Variants in MTMR3 observed in about 807,000 individuals in gnomAD.
The protein encoded by MTMR3 is myotubularin related protein 3.
A neutral mutation model predicts 132.4 loss-of-function variants in MTMR3; 32 were observed. That is an observed-to-expected ratio of 0.24 (90% CI 0.18 to 0.32). The LOEUF (loss-of-function observed/expected upper bound fraction) is 0.32, where lower values mean the gene tolerates loss of function less well. Ranked by LOEUF, MTMR3 falls within the 10% of genes least tolerant of loss-of-function variation. The pLI is 1.00. For synonymous variants in MTMR3, 556 were observed against 550.3 expected, an observed-to-expected ratio of 1.01 and a Z score of -0.14; for missense variants, 1,216 against 1,489.6, an observed-to-expected ratio of 0.82 and a Z score of 3.02.
intron 1 of MTMR3, among the ~76,000 whole-genome samples, chr22:29,886,578 T>A (rs1454263084): frequency 6.6e-6 from 1 of 152,232 alleles, no homozygotes; most frequent in African/African-American, 2.4e-5. Flanking sequence ...AAGTAGTTTC[T>A]CTAGCCTGAT....
chr22:29,920,178 C>T (rs993637708), intron 1 of MTMR3, among the ~76,000 whole-genome samples: 1 of 150,160 alleles, frequency 6.7e-6, no homozygotes, highest in Admixed American at 6.7e-5. Flanking sequence ...CGCGCCACTG[C>T]ACTGCAGCCT....
chr22:29,908,090 C>T (rs1461482690), intron 1 of MTMR3, among the ~76,000 whole-genome samples: 1 of 152,124 alleles, frequency 6.6e-6, no homozygotes, highest in Non-Finnish European at 1.5e-5. Flanking sequence ...CTTCCACAGT[C>T]GGATGCAAGT....
At chr22:29,912,259 G>A (rs1226414920) in intron 1 of MTMR3, among the ~76,000 whole-genome samples, 1 of 152,122 alleles carries the variant, frequency 6.6e-6, no homozygotes, top group Non-Finnish European at 1.5e-5. Context: ...CAGTTTTCCT[G>A]TCTTTTTATT....
At chr22:29,935,782 T>G (rs1269887013) in intron 1 of MTMR3, among the ~76,000 whole-genome samples, 1 of 142,936 alleles carries the variant, frequency 7.0e-6, no homozygotes, top group African/African-American at 2.6e-5. Context: ...ATGCTGTGTC[T>G]CACTCTGTCG....
At chr22:29,899,915 A>C (rs1568995731) in intron 1 of MTMR3, among the ~76,000 whole-genome samples, 1 of 152,226 alleles carries the variant, frequency 6.6e-6, no homozygotes, top group East Asian at 1.9e-4. Flanking sequence ...ATTATACCTC[A>C]GTTAAAAACT....
chr22:29,911,838 G>A (rs556193605), intron 1 of MTMR3, among the ~76,000 whole-genome samples: 8 of 152,216 alleles, frequency 5.3e-5, no homozygotes, highest in Non-Finnish European at 1.2e-4. Flanking sequence ...GAATTAATCA[G>A]TATTCCTTTC....
At position 30,009,115 on chromosome 22, in the gene MTMR3, G is replaced by A; in HGVS notation, c.1107G>A (p.Met369Ile). Reference sequence around the variant, plus strand: ...CTCTGCGGTTGCTGTGCACTCAGATGCCAGATCCGGGAAAGTAAGTCCTTG... The same window carrying A: ...CTCTGCGGTTGCTGTGCACTCAGATACCAGATCCGGGAAAGTAAGTCCTTG... ...FQSLRLLCTQ[M>I]PDPGNWLSAL... The change falls in exon 12 of 20, where the codon ATG becomes ATA. Residue 369 changes from methionine (M) to isoleucine (I), a missense_variant. By Grantham distance (10) the Met-to-Ile change is conservative. Transcript: ENST00000401950. 2 of 1,608,094 alleles carry A rather than the reference G, an allele frequency of 1.2e-6. No individual in the cohort carries two copies. Among genetic ancestry groups the A allele is most frequent in the Non-Finnish European group, 1.7e-6 (2 of 1,174,560 alleles).
intron 1 of MTMR3, among the ~76,000 whole-genome samples, chr22:29,923,459 C>T (rs1384338720): frequency 6.6e-6 from 1 of 152,022 alleles, no homozygotes; most frequent in Non-Finnish European, 1.5e-5. Flanking sequence ...CCACCTTGGC[C>T]TCCCAAAGTG....
chr22:29,929,806 C>G (rs1358029695), intron 1 of MTMR3, among the ~76,000 whole-genome samples: 3 of 152,140 alleles, frequency 2.0e-5, no homozygotes, highest in African/African-American at 7.2e-5. Context: ...GCCACCGCGC[C>G]CGGCCTCATA....
rs1306058406 is a variant in MTMR3 at position 29,986,546 on chromosome 22, T to A, written c.211-1934T>A. ...AGATGCACAGGTCTCAGAAGAATTC[T>A]TAGTTGCATCAGTTGCAGTTTCTCA... On this transcript the variant is annotated intron_variant, in intron 5 of 19. Coordinates refer to ENST00000401950, the MANE Select transcript of MTMR3 (RefSeq NM_021090.4). 20 of 983,040 alleles carry A rather than the reference T, an allele frequency of 2.0e-5. No homozygotes were observed. In the East Asian group the frequency reaches 2.2e-3, roughly 106 times the overall value. The allele number at this position is 983,040 out of a possible 1,614,324, so 60.9% of individuals were successfully genotyped here. A position where few individuals can be genotyped will look rare whatever the true frequency, so the allele number is the denominator to read the frequency against.
chr22:30,012,613 A>G lies in MTMR3; in HGVS notation c.1317+50A>G, dbSNP rs752645407. 9.8e-6 allele frequency: 15 copies of G among 1,530,486 alleles called. 1 individual carries two copies. The South Asian group carries it at 1.6e-4, about 17-fold the overall frequency. 94.8% of individuals were successfully genotyped at this position (1,530,486 alleles called of 1,614,324 possible). A position where few individuals can be genotyped will look rare whatever the true frequency, so the allele number is the denominator to read the frequency against. On this transcript the variant is annotated intron_variant, in intron 13 of 19. Transcript: ENST00000401950. ...TTGGTACTTCAGGATGAGCCAGGGA[A>G]ACGTCTCAGGAGTGATACCAGTTTT...
chr22:29,958,992 G>T (rs988183252), intron 2 of MTMR3, among the ~76,000 whole-genome samples: 3 of 152,138 alleles, frequency 2.0e-5, no homozygotes, highest in Non-Finnish European at 2.9e-5. Flanking sequence ...GGATCATAGG[G>T]TATATATAAT....
At chr22:29,935,206 G>C (rs2065725024) in intron 1 of MTMR3, among the ~76,000 whole-genome samples, 1 of 152,140 alleles carries the variant, frequency 6.6e-6, no homozygotes, top group Admixed American at 6.5e-5. Flanking sequence ...ATTTACAATA[G>C]GACATTAGTG....
chr22:29,938,411 T>C (rs1263881596), intron 1 of MTMR3, among the ~76,000 whole-genome samples: 1 of 152,238 alleles, frequency 6.6e-6, no homozygotes, highest in Non-Finnish European at 1.5e-5. Context: ...CTCCTTGTGA[T>C]AGTGTCAAGA....
At chr22:30,008,161 C>G in intron 11 of MTMR3, 129 bp downstream of exon 11, 2 of 1,202,848 alleles carry the variant, frequency 1.7e-6, no homozygotes, top group Non-Finnish European at 2.3e-6. Flanking sequence ...CGTGAGAGTG[C>G]CAGAGCTTCT....
intron 1 of MTMR3, among the ~76,000 whole-genome samples, chr22:29,883,760 G>T (rs1409483945): frequency 6.6e-6 from 1 of 152,212 alleles, no homozygotes; most frequent in African/African-American, 2.4e-5. Context: ...CCCCTGCCGG[G>T]TCTGTGGCGG....
Position 29,921,029 on chromosome 22 carries a change from A to G in MTMR3, c.-137-36007A>G, listed in dbSNP as rs555770910. 1.4e-4 allele frequency among the ~76,000 whole-genome samples: 21 copies of G among 152,096 alleles called. No individual in the cohort carries two copies. In the South Asian group the frequency reaches 3.9e-3, roughly 29 times the overall value. Reference sequence around the variant, plus strand: ...TAATAATGCTACAGTATCTTGATGGACATCCTGTTAATACTTTGGGGAATG... The same window carrying G: ...TAATAATGCTACAGTATCTTGATGGGCATCCTGTTAATACTTTGGGGAATG... On this transcript the variant is annotated intron_variant, in intron 1 of 19. Coordinates refer to ENST00000401950, the MANE Select transcript of MTMR3 (RefSeq NM_021090.4).
rs150510640 is a variant in MTMR3, at chr22:30,020,681, G to T, written c.3022G>T (p.Asp1008Tyr). The part of the protein sequence containing the change: ...SGRPSATSSP[D>Y]QPSRSHLDDD... ...AAGGCCATCTGCAACCAGCAGCCCC[G>T]ACCAGCCTTCCCGCAGCCACCTGGA... is the stretch of plus-strand genomic sequence containing the variant. The change falls in exon 17 of 20, where the codon GAC (aspartate) becomes TAC (tyrosine). Residue 1008 changes from aspartate to tyrosine, a missense_variant. Coordinates refer to ENST00000401950, the MANE Select transcript of MTMR3 (RefSeq NM_021090.4). 1.9e-6 allele frequency: 3 copies of T among 1,614,046 alleles called. No homozygotes were observed. The African/African-American group carries it at 4.0e-5, about 22-fold the overall frequency.
intron 1 of MTMR3, among the ~76,000 whole-genome samples, chr22:29,949,988 C>T (rs1315907554): frequency 6.6e-6 from 1 of 152,158 alleles, no homozygotes; most frequent in Non-Finnish European, 1.5e-5. Flanking sequence ...TTGTAGTTAA[C>T]TTCTTTCCTC....
Sources: allele counts gnomAD v4.1 joint callset (sites outside exome capture counted in the v4.1 genomes callset), GRCh38; gene constraint gnomAD v4.1.1; transcripts MANE v1.5; gene names NCBI Gene and HGNC (gene_info 2026-07-23, HGNC 2026-07-21).